Variants in RBMS1 observed in about 807,000 individuals in gnomAD.
RBMS1 encodes the protein RNA binding motif single stranded interacting protein 1, also known as RNA-binding motif, single-stranded-interacting protein 1.
Under a neutral mutation model 62.3 loss-of-function variants are expected in RBMS1, and 17 were observed. The observed-to-expected ratio is 0.27, with a 90% CI of 0.19 to 0.41. The LOEUF is 0.41. RBMS1 is among the 10% of genes least tolerant of loss of function. The pLI, the probability that RBMS1 is intolerant of heterozygous loss-of-function variation, is 1.00. For missense variants in RBMS1, 334 were observed against 504.5 expected (o/e 0.66, Z 3.24); for synonymous variants, 172 against 170.0 (o/e 1.01, Z -0.09).
intron 1 of RBMS1, among the ~76,000 whole-genome samples, chr2:160,480,484 T>C (rs1340395217): frequency 2.6e-5 from 4 of 152,216 alleles, no homozygotes; most frequent in Admixed American, 6.5e-5. Context: ...GAAGAAATCA[T>C]TGGATGTATT....
At position 160,311,234 on chromosome 2, in the gene RBMS1, A is replaced by ATATATCTATATATATATATATC. The variant is rs1553505434; in HGVS notation, c.402+1921_402+1922insGATATATATATATATAGATATA. ...AATCTATCTATCTATCTATCTATCT[A>ATATATCTATATATATATATATC]TATATATATATATATATATATATAG... On this transcript the variant is annotated intron_variant, in intron 4 of 13. Coordinates refer to ENST00000348849, the MANE Select transcript of RBMS1 (RefSeq NM_016836.4). Among the ~76,000 whole-genome samples the ATATATCTATATATATATATATC allele has an allele frequency of 5.9e-3, 627 of 107,054 alleles. 6 individuals are homozygous for ATATATCTATATATATATATATC. Among genetic ancestry groups the ATATATCTATATATATATATATC allele is most frequent in the African/African-American group, 0.019 (579 of 30,252 alleles). 70.2% of individuals were successfully genotyped at this position (107,054 alleles called of 152,430 possible). A position where few individuals can be genotyped will look rare whatever the true frequency, so the allele number is the denominator to read the frequency against.
At chr2:160,312,356 T>G (rs1689972381) in intron 4 of RBMS1, among the ~76,000 whole-genome samples, 1 of 151,910 alleles carries the variant, frequency 6.6e-6, no homozygotes, top group Non-Finnish European at 1.5e-5. Flanking sequence ...AGAGGGAAAC[T>G]ACCATAATAT....
intron 1 of RBMS1, among the ~76,000 whole-genome samples, chr2:160,394,031 C>T (rs1695006898): frequency 6.6e-6 from 1 of 152,210 alleles, no homozygotes; most frequent in Non-Finnish European, 1.5e-5. Flanking sequence ...ACTAGTATCA[C>T]ATCGCAGAAT....
In RBMS1 at chr2:160,274,020, C is replaced by A. The variant is rs1687699985; in HGVS notation, c.*752G>T. 1 of 152,610 alleles carries A rather than the reference C, an allele frequency of 6.6e-6. No homozygotes were observed. The highest frequency in any genetic ancestry group is 1.5e-5 in the Non-Finnish European group (1 of 68,034). 9.5% of individuals were successfully genotyped at this position (152,610 alleles called of 1,614,324 possible). A position where few individuals can be genotyped will look rare whatever the true frequency, so the allele number is the denominator to read the frequency against. On this transcript the variant is annotated 3_prime_UTR_variant, in exon 14 of 14. Coordinates refer to ENST00000348849, the MANE Select transcript of RBMS1 (RefSeq NM_016836.4). Reference sequence around the variant, plus strand: ...TACATATTTAAAAAAGCCAAAATTTCAGCAACTTTTATTGACTACCTTTTA... The same window carrying A: ...TACATATTTAAAAAAGCCAAAATTTAAGCAACTTTTATTGACTACCTTTTA...
intron 1 of RBMS1, among the ~76,000 whole-genome samples, chr2:160,482,541 C>T (rs1448485573): frequency 6.6e-6 from 1 of 152,302 alleles, no homozygotes; most frequent in East Asian, 1.9e-4. Flanking sequence ...TTTAATTAAA[C>T]TGACCAGGTA....
At chr2:160,319,111 C>G (rs1255591484) in intron 2 of RBMS1, among the ~76,000 whole-genome samples, 7 of 152,320 alleles carry the variant, frequency 4.6e-5, no homozygotes, top group East Asian at 1.9e-4. Flanking sequence ...ACCCCACACT[C>G]TCTCCATAGT....
intron 2 of RBMS1, among the ~76,000 whole-genome samples, chr2:160,357,072 G>A (rs1011153851): frequency 6.6e-6 from 1 of 152,000 alleles, no homozygotes; most frequent in Non-Finnish European, 1.5e-5. Flanking sequence ...AGATTTTAGA[G>A]GCTTTTATTC....
chr2:160,363,215 G>T (rs1693223461), intron 2 of RBMS1, among the ~76,000 whole-genome samples: 1 of 152,118 alleles, frequency 6.6e-6, no homozygotes, highest in South Asian at 2.1e-4. Flanking sequence ...CAGCAATCCT[G>T]ACTACAACGC....
intron 1 of RBMS1, chr2:160,492,889 G>C (rs1401803057): frequency 5.7e-6 from 1 of 176,438 alleles, no homozygotes; most frequent in Non-Finnish European, 1.2e-5. Flanking sequence ...CAGCTTACAG[G>C]GCGAGGCCCT....
intron 2 of RBMS1, among the ~76,000 whole-genome samples, chr2:160,324,882 G>GTGTATATATATATATATATATA (rs1206910746): frequency 6.0e-5 from 6 of 100,014 alleles, no homozygotes; most frequent in Admixed American, 1.0e-4. Flanking sequence ...GTGTGTGTGT[G>GTGTATATATATATATATATATA]TATATATATA....
At chr2:160,493,051 T>G in intron 1 of RBMS1, 1 of 476,396 alleles carries the variant, frequency 2.1e-6, no homozygotes, top group Non-Finnish European at 3.7e-6. Flanking sequence ...GGCTCTTTCC[T>G]GTCTAGTCTC....
At chr2:160,493,188 G>A (rs1392339562) in intron 1 of RBMS1, 101 bp downstream of exon 1, 14 of 1,154,158 alleles carry the variant, frequency 1.2e-5, no homozygotes, top group Non-Finnish European at 1.6e-5. Context: ...TCCGCCCGGC[G>A]GTGGCGGGGG....
At chr2:160,466,979 T>TAAATAAATAAATA (rs1684722060) in intron 1 of RBMS1, among the ~76,000 whole-genome samples, 1 of 152,142 alleles carries the variant, frequency 6.6e-6, no homozygotes, top group Non-Finnish European at 1.5e-5. Context: ...TGCCTGACAA[T>TAAATAAATAAATA]AGTAGGCAAT....
At chr2:160,441,109 A>G (rs893902622) in intron 1 of RBMS1, among the ~76,000 whole-genome samples, 16 of 152,222 alleles carry the variant, frequency 1.1e-4, no homozygotes, top group Admixed American at 7.9e-4. Flanking sequence ...TTTCATGTAG[A>G]TGAAATCACA....
intron 1 of RBMS1, chr2:160,367,671 C>T (rs1025277967): frequency 3.0e-6 from 1 of 333,154 alleles, no homozygotes; most frequent in African/African-American, 2.1e-5. Flanking sequence ...TTCAGGAACA[C>T]ATCTGAGACT....
At chr2:160,303,021 C>T (rs1689298302) in intron 5 of RBMS1, among the ~76,000 whole-genome samples, 1 of 152,116 alleles carries the variant, frequency 6.6e-6, no homozygotes, top group African/African-American at 2.4e-5. Flanking sequence ...AGGAGACTGA[C>T]TGTTATTTTT....
chr2:160,451,458 C>T (rs1403336246), intron 1 of RBMS1, among the ~76,000 whole-genome samples: 1 of 151,924 alleles, frequency 6.6e-6, no homozygotes, highest in East Asian at 1.9e-4. Context: ...CAAGTATAAT[C>T]TATATTTGGA....
chr2:160,493,031 A>C, intron 1 of RBMS1: 3 of 409,594 alleles, frequency 7.3e-6, no homozygotes, highest in Non-Finnish European at 1.3e-5. Flanking sequence ...CGGGCCAGGA[A>C]GGGGCTGGTG....
intron 2 of RBMS1, among the ~76,000 whole-genome samples, chr2:160,324,261 G>GCACACACA (rs75747766): frequency 6.6e-6 from 1 of 151,208 alleles, no homozygotes; most frequent in African/African-American, 2.4e-5. Flanking sequence ...GCGTGCGCGT[G>GCACACACA]CACACACACA....
Sources: allele counts gnomAD v4.1 joint callset (sites outside exome capture counted in the v4.1 genomes callset), GRCh38; gene constraint gnomAD v4.1.1; transcripts MANE v1.5; gene names NCBI Gene and HGNC (gene_info 2026-07-23, HGNC 2026-07-21).